Variants in FANCC observed in about 807,000 individuals in gnomAD.
FANCC encodes FA complementation group C.
A neutral mutation model predicts 71.3 loss-of-function variants in FANCC; 55 were observed. That is an observed-to-expected ratio of 0.77 (90% CI 0.62 to 0.97). The LOEUF is 0.97. Among genes scored for constraint, FANCC ranks in the 50% least tolerant of loss-of-function variants. The pLI is 0.00. For missense variants in FANCC, 678 were observed against 670.9 expected (o/e 1.01, Z -0.12); for synonymous variants, 275 against 244.9 (o/e 1.12, Z -1.15).
At chr9:95,104,478 C>A (rs2071287899) in intron 14 of FANCC, among the ~76,000 whole-genome samples, 1 of 152,166 alleles carries the variant, frequency 6.6e-6, no homozygotes, top group African/African-American at 2.4e-5. Context: ...CCGTGTGGAT[C>A]CGCAGCAGGG....
At chr9:95,113,797 T>C (rs1454998091) in intron 12 of FANCC, 3 of 152,278 alleles carry the variant, frequency 2.0e-5, no homozygotes, top group East Asian at 3.9e-4. Flanking sequence ...TAATTTTTTG[T>C]ATTTTTAGTA....
rs4647484 is a variant in FANCC at position 95,184,913 on chromosome 9, A to G, written c.346-12766T>C. 3.3e-3 allele frequency among the ~76,000 whole-genome samples: 507 copies of G among 152,350 alleles called. 9 individuals carry two copies. In the East Asian group the frequency reaches 0.044, roughly 13 times the overall value. ...TACCAAGTACAGTAAAGCTAATCAG[A>G]TACTTCACACTATCCTATTCTGTGC... On this transcript the variant is annotated intron_variant, in intron 4 of 14. Transcript: ENST00000289081.
chr9:95,242,565 T>C (rs200810347), intron 3 of FANCC, among the ~76,000 whole-genome samples: 2 of 151,434 alleles, frequency 1.3e-5, no homozygotes, highest in East Asian at 3.9e-4. Flanking sequence ...AAACTGGGAG[T>C]TTCCCCAGGT....
In FANCC at chr9:95,171,115, C is replaced by CT; in HGVS notation, c.484dup (p.Arg162LysfsTer6). The stretch of plus-strand genomic sequence containing the variant: ...GTTAAATCCATTAAGATGATTCTCT[C>CT]TGAGTTCAGACGCTAATGATAAAAC... On this transcript the variant is annotated frameshift_variant, in exon 6 of 15. Transcript: ENST00000289081. LOFTEE classifies it high-confidence loss of function. 1 of 1,613,556 alleles carries CT rather than the reference C, an allele frequency of 6.2e-7. No homozygotes were observed. Among genetic ancestry groups the CT allele is most frequent in the South Asian group, 1.1e-5 (1 of 91,066 alleles).
chr9:95,142,633 T>C (rs1358566529), intron 7 of FANCC: 4 of 151,658 alleles, frequency 2.6e-5, no homozygotes, highest in Non-Finnish European at 4.4e-5. Flanking sequence ...GTGTAAGTAT[T>C]TGTCCTAGTT....
At chr9:95,217,810 C>CCAAACCT (rs1828968070) in intron 4 of FANCC, among the ~76,000 whole-genome samples, 1 of 151,616 alleles carries the variant, frequency 6.6e-6, no homozygotes, top group South Asian at 2.1e-4. Flanking sequence ...ATCAATAAAC[C>CCAAACCT]CAAAACCTGG....
At chr9:95,229,025 C>T (rs538437351) in intron 4 of FANCC, among the ~76,000 whole-genome samples, 121 of 152,232 alleles carry the variant, frequency 7.9e-4, no homozygotes, top group African/African-American at 2.6e-3. Flanking sequence ...TGGCTGGGCA[C>T]GATGGCTCAC....
intron 1 of FANCC, among the ~76,000 whole-genome samples, chr9:95,297,407 C>G (rs749930676): frequency 2.0e-5 from 3 of 152,180 alleles, no homozygotes; most frequent in African/African-American, 4.8e-5. Context: ...ATCTTCCCTC[C>G]CTCTCTCCGT....
At chr9:95,302,757 C>A (rs1359464639) in intron 1 of FANCC, among the ~76,000 whole-genome samples, 2 of 152,302 alleles carry the variant, frequency 1.3e-5, no homozygotes, top group Admixed American at 6.5e-5. Flanking sequence ...CTGCTTCCTG[C>A]AATTCTCTGT....
chr9:95,278,784 T>C (rs899862645), intron 1 of FANCC, among the ~76,000 whole-genome samples: 1 of 8,996 alleles, frequency 1.1e-4, no homozygotes, highest in Non-Finnish European at 2.5e-4. Flanking sequence ...CATTTCTATA[T>C]ATCACGGTAA....
At chr9:95,133,072 C>A (rs553630633) in intron 8 of FANCC, among the ~76,000 whole-genome samples, 16 of 152,370 alleles carry the variant, frequency 1.1e-4, no homozygotes, top group African/African-American at 3.8e-4. Context: ...CTCTCTGATA[C>A]TTCTGTACAG....
intron 4 of FANCC, among the ~76,000 whole-genome samples, chr9:95,194,009 C>T (rs905354090): frequency 6.6e-6 from 1 of 152,172 alleles, no homozygotes; most frequent in Non-Finnish European, 1.5e-5. Flanking sequence ...AGGCTGCACA[C>T]CAGTACCATT....
intron 13 of FANCC, among the ~76,000 whole-genome samples, chr9:95,107,759 C>A (rs140731646): frequency 6.6e-6 from 1 of 152,118 alleles, no homozygotes; most frequent in Non-Finnish European, 1.5e-5. Context: ...CATGCACGCA[C>A]GTGTACACAA....
chr9:95,133,177 C>G (rs1827168231), intron 8 of FANCC, among the ~76,000 whole-genome samples: 1 of 152,260 alleles, frequency 6.6e-6, no homozygotes, highest in Non-Finnish European at 1.5e-5. Flanking sequence ...AATCACTTAG[C>G]CACGTCACAG....
At chr9:95,278,191 C>A (rs1833159391) in intron 1 of FANCC, among the ~76,000 whole-genome samples, 1 of 151,956 alleles carries the variant, frequency 6.6e-6, no homozygotes, top group Admixed American at 6.6e-5. Flanking sequence ...TTGTTGAATT[C>A]ATAACATTGA....
intron 4 of FANCC, among the ~76,000 whole-genome samples, chr9:95,189,325 T>C (rs999116152): frequency 1.3e-5 from 2 of 152,188 alleles, no homozygotes; most frequent in Non-Finnish European, 2.9e-5. Flanking sequence ...ACCTGGAGAA[T>C]TGCAGTGGTT....
intron 13 of FANCC, 186 bp downstream of exon 13, chr9:95,111,277 G>A (rs763977186): frequency 7.1e-6 from 11 of 1,558,238 alleles, no homozygotes; most frequent in Non-Finnish European, 8.6e-6. Context: ...CCTCGGTGGG[G>A]ACAGGAGAAC....
chr9:95,284,468 A>T (rs1833555666), intron 1 of FANCC, among the ~76,000 whole-genome samples: 1 of 152,200 alleles, frequency 6.6e-6, no homozygotes, highest in African/African-American at 2.4e-5. Context: ...ATTATACTTG[A>T]AGACTTTTGC....
At chr9:95,222,964 G>A (rs558007177) in intron 4 of FANCC, among the ~76,000 whole-genome samples, 37 of 152,114 alleles carry the variant, frequency 2.4e-4, no homozygotes, top group African/African-American at 8.7e-4. Flanking sequence ...GTTATACCTG[G>A]TTATTCACCA....
Sources: allele counts gnomAD v4.1 joint callset (sites outside exome capture counted in the v4.1 genomes callset), GRCh38; gene constraint gnomAD v4.1.1; transcripts MANE v1.5; gene names NCBI Gene and HGNC (gene_info 2026-07-23, HGNC 2026-07-21).